Variants in COL3A1 observed in about 807,000 individuals in gnomAD.
COL3A1 encodes collagen type III alpha 1 chain, also known as collagen alpha-1(III) chain.
COL3A1 carries 46 observed loss-of-function variants against 200.9 expected under a neutral mutation model. That is an observed-to-expected ratio of 0.23 (90% confidence interval 0.18 to 0.29). The LOEUF is 0.29. Among genes scored for constraint, COL3A1 ranks in the 10% least tolerant of loss-of-function variants. The probability of loss-of-function intolerance (pLI) is 1.00; values close to 1 mark genes in which losing one functional copy is unlikely to be tolerated. For synonymous variants in COL3A1, 650 were observed against 628.0 expected, an observed-to-expected ratio of 1.03 and a Z score of -0.52; for missense variants, 1,367 against 1,917.6, an observed-to-expected ratio of 0.71 and a Z score of 5.36.
intron 13 of COL3A1, 21 bp downstream of exon 13, chr2:188,991,743 C>G (rs1414556693): frequency 6.2e-7 from 1 of 1,612,996 alleles, no homozygotes; most frequent in Non-Finnish European, 8.5e-7. Flanking sequence ...CTGCTAACAT[C>G]ACACAATTAC....
At chr2:189,007,981 T>C (rs755714078) in intron 46 of COL3A1, 43 bp downstream of exon 46, 18 of 1,614,048 alleles carry the variant, frequency 1.1e-5, no homozygotes, top group Non-Finnish European at 1.5e-5. Flanking sequence ...ATGTTTCAGA[T>C]GTCTGCATTT....
chr2:188,978,316 C>T (rs1687869637), intron 1 of COL3A1, among the ~76,000 whole-genome samples: 1 of 151,972 alleles, frequency 6.6e-6, no homozygotes, highest in Non-Finnish European at 1.5e-5. Flanking sequence ...CTACAGGCTT[C>T]TTTTTAAAAA....
chr2:189,011,908 A>T lies in COL3A1; in HGVS notation c.*134A>T. The T allele has an allele frequency of 1.0e-6, 1 of 953,284 alleles. No individual in the cohort carries two copies. Among genetic ancestry groups the T allele is most frequent in the South Asian group, 1.5e-5 (1 of 65,200 alleles). The allele number at this position is 953,284 out of a possible 1,614,324, so 59.1% of individuals were successfully genotyped here. ...TTTCCAAAATGTTTGGAAACAGTAT[A>T]ATTTGACAAAGAAAAATGATACTTC... On this transcript the variant is annotated 3_prime_UTR_variant, in exon 51 of 51. Transcript: ENST00000304636.
Position 188,997,228 on chromosome 2 carries a change from T to C in COL3A1, c.1815+10T>C. 6.2e-7 allele frequency: 1 copy of C among 1,614,062 alleles called. No homozygotes were observed. The highest frequency in any genetic ancestry group is 8.5e-7 in the Non-Finnish European group (1 of 1,180,006). ...AGGACCTGGCCCTCAGGTACGTAGC[T>C]TTCCTCAATTTATTTCTAGCCTTCT... is the stretch of plus-strand genomic sequence containing the variant. On this transcript the variant is annotated intron_variant, in intron 25 of 50. Transcript: ENST00000304636.
chr2:189,009,372 G>A (rs866539879), intron 48 of COL3A1, 151 bp downstream of exon 48: 8 of 924,934 alleles, frequency 8.6e-6, no homozygotes, highest in Middle Eastern at 2.4e-4. Flanking sequence ...TGATATAAAA[G>A]AGTAAACTTT....
rs528792986 is a variant in COL3A1 at position 188,986,414 on chromosome 2, C to T, written c.447+636C>T. On this transcript the variant is annotated intron_variant, in intron 4 of 50. Coordinates refer to ENST00000304636, the MANE Select transcript of COL3A1 (RefSeq NM_000090.4). ...AAAAAGTGCATTTCAAAAAGCAATT[C>T]AACAAGAACCAAAGTATATTGTCTA... Among the ~76,000 whole-genome samples, 32 of 152,120 alleles carry T rather than the reference C, an allele frequency of 2.1e-4. 1 individual carries two copies. The South Asian group carries it at 4.2e-3, about 20-fold the overall frequency.
intron 7 of COL3A1, 73 bp downstream of exon 7, chr2:188,988,716 AGTAT>A: frequency 2.0e-6 from 2 of 1,002,988 alleles, no homozygotes; most frequent in Non-Finnish European, 3.1e-6. Flanking sequence ...TTCTAAAACA[AGTAT>A]AGGTCTTTAC....
chr2:188,975,090 A>G (rs529943122), intron 1 of COL3A1, among the ~76,000 whole-genome samples: 3 of 152,344 alleles, frequency 2.0e-5, no homozygotes, highest in African/African-American at 4.8e-5. Flanking sequence ...TGGCTACAAG[A>G]TACCTATAAA....
intron 14 of COL3A1, 124 bp downstream of exon 14, chr2:188,992,352 A>G: frequency 1.2e-6 from 1 of 836,260 alleles, no homozygotes; most frequent in Non-Finnish European, 1.9e-6. Flanking sequence ...TATCTCTAAT[A>G]TACACATTAG....
chr2:188,988,583 T>C lies in COL3A1; in HGVS notation c.583-7T>C, dbSNP rs886055330. The C allele has an allele frequency of 6.9e-6, 11 of 1,587,548 alleles. No homozygotes were observed. The South Asian group carries it at 1.0e-4, about 14-fold the overall frequency. ...CTTTAAAATTATTTACATATTCTAC[T>C]CACTAGGGATCTCCAGGATACCAAG... On this transcript the variant is annotated splice_polypyrimidine_tract_variant and splice_region_variant and intron_variant, in intron 6 of 50. Transcript: ENST00000304636.
chr2:189,008,079 T>G lies in COL3A1; in HGVS notation c.3462T>G (p.Ser1154Arg), dbSNP rs769100283. ...GACCTCCTGGCAAAGATGGAACCAG[T>G]GGACATCCAGGTCCCATTGGACCAC... ...PSGPPGKDGT[S>R]GHPGPIGPPG... is the part of the protein sequence containing the mutation. The change falls in exon 47 of 51, where the codon AGT (serine) becomes AGG (arginine). Residue 1154 changes from serine to arginine, a missense_variant. Ser to Arg is a moderately radical substitution (Grantham distance 110, BLOSUM62 -1). This residue lies in a region of COL3A1 where 846 missense variants were observed against 1,147.9 expected (regional missense o/e 0.74). Transcript: ENST00000304636. The G allele has an allele frequency of 1.5e-5, 24 of 1,614,050 alleles. No homozygotes were observed. In the South Asian group the frequency reaches 2.5e-4, roughly 17 times the overall value.
At position 188,975,246 on chromosome 2, in the gene COL3A1, C is replaced by T. The variant is rs140083614; in HGVS notation, c.79+678C>T. ...ACATATTCTACGTTTTAACCACATT[C>T]GCATTAATGAAGAAAATATTTTTTA... On this transcript the variant is annotated intron_variant, in intron 1 of 50. Coordinates refer to ENST00000304636, the MANE Select transcript of COL3A1 (RefSeq NM_000090.4). Among the ~76,000 whole-genome samples, 20 of 152,226 alleles carry T rather than the reference C, an allele frequency of 1.3e-4. No homozygotes were observed. In the East Asian group the frequency reaches 2.3e-3, roughly 18 times the overall value.
At chr2:189,003,624 A>T in intron 37 of COL3A1, 110 bp from the exon 38 acceptor site, 1 of 1,384,392 alleles carries the variant, frequency 7.2e-7, no homozygotes, top group Non-Finnish European at 1.0e-6. Context: ...AACACAAACC[A>T]TAAATGACTT....
In COL3A1 at chr2:188,991,482, T is replaced by G; in HGVS notation, c.853-5T>G. 1 of 1,589,014 alleles carries G rather than the reference T, an allele frequency of 6.3e-7. No individual in the cohort carries two copies. The highest frequency in any genetic ancestry group is 8.6e-7 in the Non-Finnish European group (1 of 1,158,140). Reference sequence around the variant, plus strand: ...AAAATAGTAACATATTTTATATGTATCTAGGGTGAAAATGGTCTTCCAGGC... The same window carrying G: ...AAAATAGTAACATATTTTATATGTAGCTAGGGTGAAAATGGTCTTCCAGGC... On this transcript the variant is annotated splice_region_variant and splice_polypyrimidine_tract_variant and intron_variant, in intron 11 of 50. Transcript: ENST00000304636.
At chr2:188,984,618 G>C (rs574053398) in intron 1 of COL3A1, 142 bp from the exon 2 acceptor site, 1 of 728,570 alleles carries the variant, frequency 1.4e-6, no homozygotes, top group Non-Finnish European at 2.4e-6. Flanking sequence ...CATAGGGCAA[G>C]TATAATTTTC....
At chr2:189,008,768 C>T (rs1044000442) in intron 47 of COL3A1, 156 bp from the exon 48 acceptor site, 5 of 738,102 alleles carry the variant, frequency 6.8e-6, no homozygotes, top group East Asian at 2.6e-5. Context: ...TCGGTGATCA[C>T]GTGACCCTAA....
chr2:188,983,967 T>C (rs1342785389), intron 1 of COL3A1, among the ~76,000 whole-genome samples: 1 of 152,004 alleles, frequency 6.6e-6, no homozygotes, highest in Admixed American at 6.6e-5. Flanking sequence ...ACCTTGTATA[T>C]AATTATGAAG....
At chr2:188,997,555 A>C (rs1208155954) in intron 26 of COL3A1, 145 bp from the exon 27 acceptor site, 6 of 1,112,200 alleles carry the variant, frequency 5.4e-6, no homozygotes, top group Non-Finnish European at 8.1e-6. Context: ...TTGAGTTTAG[A>C]GTGTACATGT....
At chr2:188,999,969 T>A (rs2153503087) in intron 32 of COL3A1, 74 bp downstream of exon 32, 1 of 1,466,236 alleles carries the variant, frequency 6.8e-7, no homozygotes, top group East Asian at 2.4e-5. Context: ...TCAACTTTAA[T>A]TTTTTCCAAA....
Sources: gnomAD v4.1 joint callset for allele counts (sites outside exome capture counted in the v4.1 genomes callset) on GRCh38, gnomAD v4.1.1 for gene constraint, gnomAD v4.1.1 regional missense constraint, MANE v1.5 for transcripts, NCBI Gene and HGNC (gene_info 2026-07-23, HGNC 2026-07-21) for gene names.